Variants in DNER observed in about 807,000 individuals in gnomAD.
DNER encodes delta and Notch-like epidermal growth factor-related receptor.
DNER carries 33 observed loss-of-function variants against 78.2 expected under a neutral mutation model. The ratio of observed to expected loss-of-function variants is 0.42; its 90% confidence interval spans 0.32 to 0.56. The LOEUF (loss-of-function observed/expected upper bound fraction) is 0.56. DNER is among the 20% of genes least tolerant of loss of function. DNER has a pLI of 0.11. For synonymous variants in DNER, 417 were observed against 384.8 expected, an observed-to-expected ratio of 1.08 and a Z score of -0.98; for missense variants, 918 against 975.3, an observed-to-expected ratio of 0.94 and a Z score of 0.78.
intron 1 of DNER, among the ~76,000 whole-genome samples, chr2:229,675,173 C>A (rs1253723748): frequency 6.6e-6 from 1 of 152,152 alleles, no homozygotes; most frequent in Non-Finnish European, 1.5e-5. Flanking sequence ...ATGACAGAAG[C>A]CTCCAAAGAC....
At chr2:229,475,028 A>G (rs11887777) in intron 7 of DNER, among the ~76,000 whole-genome samples, 10,353 of 152,298 alleles carry the variant, frequency 0.068, 1,070 homozygotes, top group African/African-American at 0.22. Flanking sequence ...GTTTAATAGT[A>G]ATCATTATCA....
In DNER at chr2:229,360,858, C is replaced by T. The variant is rs193147731; in HGVS notation, c.2103-2207G>A. ...TGGCCCGGTCCTAATGGGATTAACTCCAAACAAGTATGGGTCATAAAGTAT... is the reference window on the plus strand; with the variant it reads ...TGGCCCGGTCCTAATGGGATTAACTTCAAACAAGTATGGGTCATAAAGTAT... On this transcript the variant is annotated intron_variant, in intron 12 of 12. Transcript: ENST00000341772. Among the ~76,000 whole-genome samples, 292 of 152,294 alleles carry T rather than the reference C, an allele frequency of 1.9e-3. 1 individual carries two copies. The highest frequency in any genetic ancestry group is 3.2e-3 in the Non-Finnish European group (216 of 68,020).
chr2:229,420,783 G>A (rs1338891804), intron 8 of DNER, among the ~76,000 whole-genome samples: 1 of 152,198 alleles, frequency 6.6e-6, no homozygotes, highest in African/African-American at 2.4e-5. Flanking sequence ...TGTTGGGGCA[G>A]ATTTGAAGAA....
At chr2:229,401,174 A>G (rs1449214809) in intron 10 of DNER, among the ~76,000 whole-genome samples, 1 of 152,078 alleles carries the variant, frequency 6.6e-6, no homozygotes, top group Non-Finnish European at 1.5e-5. Flanking sequence ...TAGTGATAAC[A>G]CCAAATGCTG....
intron 6 of DNER, among the ~76,000 whole-genome samples, chr2:229,499,596 T>C (rs982626779): frequency 6.7e-6 from 1 of 149,878 alleles, no homozygotes; most frequent in Non-Finnish European, 1.5e-5. Flanking sequence ...GACTTAAATA[T>C]CAGACCTGAA....
Position 229,616,679 on chromosome 2 carries a change from T to C in DNER, c.277-24791A>G, listed in dbSNP as rs192995318. 1.4e-3 allele frequency among the ~76,000 whole-genome samples: 213 copies of C among 152,278 alleles called. 1 individual carries two copies. Among genetic ancestry groups the C allele is most frequent in the Middle Eastern group, 0.01 (3 of 294 alleles). On this transcript the variant is annotated intron_variant, in intron 1 of 12. Transcript: ENST00000341772. ...CACTCTCTGGGTGTCACGGGTGAAG[T>C]GAGGGAGCTGTCTCAGATCTAGATC...
chr2:229,466,257 C>T (rs1406557491), intron 7 of DNER, among the ~76,000 whole-genome samples: 2 of 152,156 alleles, frequency 1.3e-5, no homozygotes, highest in Non-Finnish European at 1.5e-5. Context: ...AGCCTTCTGT[C>T]TTCCCTCCAT....
intron 7 of DNER, among the ~76,000 whole-genome samples, chr2:229,462,429 C>T (rs2112105): frequency 0.38 from 58,192 of 151,834 alleles, 13,048 homozygotes; most frequent in African/African-American, 0.62. Flanking sequence ...TGGCAAATGG[C>T]TCCAGTCAGA....
At chr2:229,606,002 T>C (rs2154215018) in intron 1 of DNER, among the ~76,000 whole-genome samples, 1 of 152,316 alleles carries the variant, frequency 6.6e-6, no homozygotes, top group East Asian at 1.9e-4. Flanking sequence ...TTAATTGAAC[T>C]GATGGCCAGG....
rs1414397630 is a variant in DNER, at chr2:229,418,171, T to G, written c.1546A>C (p.Asn516His). Residue 516 changes from asparagine to histidine, a missense_variant, in exon 9 of 13, where the codon AAT (asparagine) becomes CAT (histidine). Physicochemically the swap from Asn to His is moderately conservative, Grantham distance 68. Transcript: ENST00000341772. ...YNECLSAPCL[N>H]AATCRDLVNG... is the part of the protein sequence containing the mutation. ...ACGAGGTCCCTGCAGGTGGCTGCAT[T>G]CAGGCATGGAGCGGAGAGGCACTCA... 3 of 1,614,184 alleles carry G rather than the reference T, an allele frequency of 1.9e-6. No homozygotes were observed. In the South Asian group the frequency reaches 3.3e-5, roughly 18 times the overall value.
intron 6 of DNER, among the ~76,000 whole-genome samples, chr2:229,500,977 C>T (rs1695609243): frequency 6.6e-6 from 1 of 152,192 alleles, no homozygotes; most frequent in African/African-American, 2.4e-5. Context: ...AAAATTGTGT[C>T]ATCTACAACA....
chr2:229,504,146 A>C (rs1289266622), intron 6 of DNER, among the ~76,000 whole-genome samples: 7 of 152,216 alleles, frequency 4.6e-5, no homozygotes, highest in Non-Finnish European at 1.0e-4. Flanking sequence ...ACACACACCC[A>C]GTCACATATA....
At position 229,714,205 on chromosome 2, in the gene DNER, G is replaced by A; in HGVS notation, c.219C>T (p.Ala73=). The A allele has an allele frequency of 7.2e-7, 1 of 1,383,712 alleles. No homozygotes were observed. The highest frequency in any genetic ancestry group is 1.6e-5 in the South Asian group (1 of 61,252). The allele number at this position is 1,383,712 out of a possible 1,614,324, so 85.7% of individuals were successfully genotyped here. ...AGGTGCAGCTGTAGCCAGGCTCGCC[G>A]GCGGGGGCCGGGTGCTGCGGGTCCG... ...PEPDPQHPAP[A]GEPGYSCTCP... is the part of the protein sequence containing the mutation. The change falls in exon 1 of 13, where the codon GCC becomes GCT. Residue 73 remains alanine, a synonymous_variant. Transcript: ENST00000341772.
chr2:229,370,046 C>T (rs1480765105), intron 11 of DNER, among the ~76,000 whole-genome samples: 1 of 152,196 alleles, frequency 6.6e-6, no homozygotes, highest in Admixed American at 6.5e-5. Flanking sequence ...ACTCTTCTCA[C>T]TGTCCATTAT....
intron 7 of DNER, among the ~76,000 whole-genome samples, chr2:229,460,222 A>C (rs6761543): frequency 0.38 from 56,603 of 149,374 alleles, 12,601 homozygotes; most frequent in African/African-American, 0.62. Context: ...ATGTGCTACC[A>C]ACTCCTTATA....
chr2:229,377,712 C>T (rs574845299), intron 11 of DNER, among the ~76,000 whole-genome samples: 2 of 152,184 alleles, frequency 1.3e-5, no homozygotes, highest in East Asian at 3.9e-4. Flanking sequence ...CAGATAATTA[C>T]CCCAAAGGGG....
intron 7 of DNER, among the ~76,000 whole-genome samples, chr2:229,476,155 C>T (rs1695031092): frequency 6.6e-6 from 1 of 152,142 alleles, no homozygotes; most frequent in South Asian, 2.1e-4. Context: ...CATCTCACTC[C>T]GGCCCCCACC....
At chr2:229,689,595 C>T (rs1405994444) in intron 1 of DNER, among the ~76,000 whole-genome samples, 1 of 152,104 alleles carries the variant, frequency 6.6e-6, no homozygotes, top group Non-Finnish European at 1.5e-5. Context: ...TGTGAAAATC[C>T]CTTGGCACTT....
chr2:229,369,066 T>A (rs1692416787), intron 11 of DNER, among the ~76,000 whole-genome samples: 1 of 152,210 alleles, frequency 6.6e-6, no homozygotes, highest in Non-Finnish European at 1.5e-5. Context: ...CTCCTACATT[T>A]ACTTGATCTC....
Sources: gnomAD v4.1 joint callset for allele counts (sites outside exome capture counted in the v4.1 genomes callset) on GRCh38, gnomAD v4.1.1 for gene constraint, MANE v1.5 for transcripts, NCBI Gene and HGNC (gene_info 2026-07-23, HGNC 2026-07-21) for gene names.